SYTL3: variants seen among roughly 807,000 people sequenced by gnomAD.
SYTL3 encodes synaptotagmin-like protein 3.
SYTL3 carries 88 observed loss-of-function variants against 82.1 expected under a neutral mutation model. The observed-to-expected ratio is 1.07, with a 90% CI of 0.90 to 1.28. The LOEUF is 1.28. SYTL3 is among the 50% of genes most tolerant of loss of function. The pLI is 0.00. For synonymous variants in SYTL3, 311 were observed against 289.4 expected, an observed-to-expected ratio of 1.07 and a Z score of -0.76; for missense variants, 831 against 757.6, an observed-to-expected ratio of 1.10 and a Z score of -1.14.
chr6:158,751,780 G>T, intron 12 of SYTL3, 148 bp from the exon 13 acceptor site: 1 of 583,574 alleles, frequency 1.7e-6, no homozygotes, highest in Non-Finnish European at 3.0e-6. Flanking sequence ...TCACTATTAG[G>T]CTATTAAGTC....
chr6:158,700,683 C>A (rs1052914738), intron 6 of SYTL3, among the ~76,000 whole-genome samples: 1 of 152,136 alleles, frequency 6.6e-6, no homozygotes, highest in Non-Finnish European at 1.5e-5. Context: ...GTGGAGCGAT[C>A]TTGGCTCACT....
chr6:158,700,679 C>A (rs1468449226), intron 6 of SYTL3, among the ~76,000 whole-genome samples: 2 of 152,104 alleles, frequency 1.3e-5, no homozygotes, highest in South Asian at 4.1e-4. Context: ...TGCAGTGGAG[C>A]GATCTTGGCT....
intron 11 of SYTL3, among the ~76,000 whole-genome samples, chr6:158,729,868 C>A (rs747358884): frequency 7.4e-6 from 1 of 135,514 alleles, no homozygotes; most frequent in Non-Finnish European, 1.6e-5. Flanking sequence ...ACCCGGCCAA[C>A]GTTTTTTTTT....
chr6:158,670,456 C>T (rs560510536), intron 5 of SYTL3, among the ~76,000 whole-genome samples: 156 of 152,282 alleles, frequency 1.0e-3, no homozygotes, highest in African/African-American at 3.4e-3. Flanking sequence ...TGTTTCAAAA[C>T]CTTATTTCTT....
intron 11 of SYTL3, among the ~76,000 whole-genome samples, chr6:158,736,576 G>A (rs1786203146): frequency 6.6e-6 from 1 of 152,016 alleles, no homozygotes. Context: ...ATCACCTGAG[G>A]TCAGGAGTTT....
intron 6 of SYTL3, among the ~76,000 whole-genome samples, chr6:158,705,465 GA>G: frequency 9.2e-6 from 1 of 108,272 alleles, no homozygotes; most frequent in Non-Finnish European, 2.1e-5. Flanking sequence ...CATAGGGCAG[GA>G]GGGACCTGGG....
chr6:158,698,877 C>T (rs1780850783), intron 6 of SYTL3, among the ~76,000 whole-genome samples: 1 of 152,198 alleles, frequency 6.6e-6, no homozygotes, highest in East Asian at 1.9e-4. Context: ...GTTTAGATAG[C>T]CCCACCTGTG....
At chr6:158,660,260 G>T in intron 2 of SYTL3, among the ~76,000 whole-genome samples, 1 of 152,046 alleles carries the variant, frequency 6.6e-6, no homozygotes, top group East Asian at 1.9e-4. Context: ...GCAATACTCC[G>T]TCTCAAAAAC....
At chr6:158,730,387 T>TA (rs971845755) in intron 11 of SYTL3, among the ~76,000 whole-genome samples, 1 of 152,240 alleles carries the variant, frequency 6.6e-6, no homozygotes, top group South Asian at 2.1e-4. Context: ...ATTGCCCTGC[T>TA]AAAAAAACTT....
chr6:158,671,399 C>G (rs2128383310), intron 5 of SYTL3, among the ~76,000 whole-genome samples: 1 of 152,216 alleles, frequency 6.6e-6, no homozygotes, highest in East Asian at 1.9e-4. Context: ...AGGGGAGCCC[C>G]AAGAGAGTTT....
chr6:158,728,647 A>T (rs992210838), intron 11 of SYTL3, among the ~76,000 whole-genome samples: 1 of 152,228 alleles, frequency 6.6e-6, no homozygotes, highest in African/African-American at 2.4e-5. Context: ...TTTGTTTATT[A>T]AAAAACATTA....
At chr6:158,760,464 G>A (rs1455104361) in intron 14 of SYTL3, among the ~76,000 whole-genome samples, 176 bp from the exon 15 acceptor site, 1 of 152,144 alleles carries the variant, frequency 6.6e-6, no homozygotes, top group Non-Finnish European at 1.5e-5. Flanking sequence ...GGGAGGGTGG[G>A]AGTGAAACCA....
Position 158,662,920 on chromosome 6 carries a change from AT to A in SYTL3, c.-346del. 1 of 174,566 alleles carries A rather than the reference AT, an allele frequency of 5.7e-6. No individual in the cohort carries two copies. 10.8% of individuals were successfully genotyped at this position (174,566 alleles called of 1,614,324 possible). On this transcript the variant is annotated 5_prime_UTR_variant, in exon 4 of 18. Coordinates refer to ENST00000611299, the MANE Select transcript of SYTL3 (RefSeq NM_001242394.2). ...AATTATCTGCTTGCAGCTGTGGATA[AT>A]TTATAACAATCTCTGGTGAAACCTC...
rs371601795 is a variant in SYTL3 at position 158,742,149 on chromosome 6, A to C, written c.856-3331A>C. On this transcript the variant is annotated intron_variant, in intron 11 of 17. Transcript: ENST00000611299. ...ACATCATTTCCATAGTCTAAAATAAACATAAACAGCAAATAATCCATTATT... is the reference window on the plus strand; with the variant it reads ...ACATCATTTCCATAGTCTAAAATAACCATAAACAGCAAATAATCCATTATT... Among the ~76,000 whole-genome samples, 3 of 152,262 alleles carry C rather than the reference A, an allele frequency of 2.0e-5. No homozygotes were observed. In the East Asian group the frequency reaches 5.8e-4, roughly 29 times the overall value.
intron 5 of SYTL3, among the ~76,000 whole-genome samples, chr6:158,675,712 C>G (rs111876949): frequency 0.015 from 2,257 of 152,186 alleles, 36 homozygotes; most frequent in African/African-American, 0.032. Context: ...CTTTGGGAGG[C>G]CAAGATGGGC....
Position 158,760,723 on chromosome 6 carries a change from A to G in SYTL3, c.1392A>G (p.Arg464=). The G allele has an allele frequency of 6.2e-7, 1 of 1,614,126 alleles. No homozygotes were observed. Among genetic ancestry groups the G allele is most frequent in the East Asian group, 2.2e-5 (1 of 44,878 alleles). ...AGCTGGTTCTCCCTTCACGGCCCAG[A>G]AAACTCCAAGAGGCTCAAGAAGGTC... The part of the protein sequence containing the change: ...RAKLVLPSRP[R]KLQEAQEGTD... The change falls in exon 15 of 18, where the codon AGA becomes AGG. Residue 464 remains arginine (R), a synonymous_variant. Transcript: ENST00000611299.
chr6:158,700,286 ACATTT>A (rs1469081252), intron 6 of SYTL3, among the ~76,000 whole-genome samples: 2 of 151,812 alleles, frequency 1.3e-5, no homozygotes, highest in African/African-American at 4.8e-5. Flanking sequence ...AATAAACAAA[ACATTT>A]TATTTTGTAG....
At chr6:158,749,507 CTTTTTTTTTTTT>C (rs765386344) in intron 12 of SYTL3, among the ~76,000 whole-genome samples, 1 of 66,024 alleles carries the variant, frequency 1.5e-5, no homozygotes, top group African/African-American at 6.4e-5. Flanking sequence ...TTCTTTCTCT[CTTTTTTTTTTTT>C]TTTTTTTTTT....
intron 4 of SYTL3, 108 bp downstream of exon 4, chr6:158,663,486 G>C: frequency 6.7e-7 from 1 of 1,502,892 alleles, no homozygotes. Flanking sequence ...CCCACCTGCT[G>C]CTGGGCTTCG....
Sources: allele counts gnomAD v4.1 joint callset (sites outside exome capture counted in the v4.1 genomes callset), GRCh38; gene constraint gnomAD v4.1.1; transcripts MANE v1.5; gene names NCBI Gene and HGNC (gene_info 2026-07-23, HGNC 2026-07-21).